AHCY: variants seen among roughly 807,000 people sequenced by gnomAD.
The protein encoded by AHCY is S-adenosyl-L-homocysteine hydrolase.
Under a neutral mutation model 45.4 loss-of-function variants are expected in AHCY, and 24 were observed. The observed-to-expected ratio is 0.53, with a 90% CI of 0.38 to 0.74. The LOEUF is 0.74. Ranked by LOEUF, AHCY falls within the 30% of genes least tolerant of loss-of-function variation. AHCY has a pLI of 0.00. For missense variants in AHCY, 449 were observed against 594.1 expected (o/e 0.76, Z 2.54); for synonymous variants, 245 against 235.1 (o/e 1.04, Z -0.39).
At chr20:34,311,614 T>TC (rs1162789312) in exon 1 of AHCY, 1 of 152,378 alleles carries the variant, frequency 6.6e-6, no homozygotes, top group Non-Finnish European at 1.5e-5. Flanking sequence ...CCCGCTCGCC[T>TC]CCCGGCGGTC....
At chr20:34,298,609 A>AGGGGGGGGGGGGGGGGGGGGG (rs35505406) in intron 1 of AHCY, among the ~76,000 whole-genome samples, 1 of 83,116 alleles carries the variant, frequency 1.2e-5, no homozygotes, top group Non-Finnish European at 2.6e-5. Flanking sequence ...CGGCGGCGGG[A>AGGGGGGGGGGGGGGGGGGGGG]GGGGGGGGGG....
chr20:34,284,936 C>T (rs993993020), intron 9 of AHCY, among the ~76,000 whole-genome samples: 1 of 152,204 alleles, frequency 6.6e-6, no homozygotes, highest in Non-Finnish European at 1.5e-5. Flanking sequence ...CCTGGTCAGA[C>T]GGACCTGGGT....
upstream of AHCY, among the ~76,000 whole-genome samples, chr20:34,306,921 C>G (rs1568820553): frequency 2.0e-5 from 3 of 152,172 alleles, no homozygotes; most frequent in Middle Eastern, 6.8e-3. Context: ...GGGACGGGAG[C>G]AAGAGAGAGG....
the AHCY span, among the ~76,000 whole-genome samples, chr20:34,265,078 A>G: frequency 4.6e-5 from 7 of 152,154 alleles, no homozygotes; most frequent in Admixed American, 1.3e-4. Context: ...TACCTGCATT[A>G]GCCACCATGC....
At chr20:34,237,583 A>C in the AHCY span, among the ~76,000 whole-genome samples, 1 of 152,246 alleles carries the variant, frequency 6.6e-6, no homozygotes, top group African/African-American at 2.4e-5. Context: ...ATTTAAGATC[A>C]TATTATCTGT....
chr20:34,290,345 T>C lies in AHCY; in HGVS notation c.959A>G (p.Asn320Ser). The change falls in exon 8 of 10, where the codon AAC (asparagine) becomes AGC (serine). Residue 320 changes from asparagine (N) to serine (S), a missense_variant. Transcript: ENST00000217426. The surrounding 1 kb of genome is among the most constrained non-coding windows in gnomAD (Gnocchi z 4.5). Reference sequence around the variant, plus strand: ...GGAGCTTCTCACCTGCGGCTTGATGTTCACCTTCTCCACGGCGTTCTCGTT... The same window carrying C: ...GGAGCTTCTCACCTGCGGCTTGATGCTCACCTTCTCCACGGCGTTCTCGTT... Reference protein sequence around the residue: ...WLNENAVEKVNIKPQVDRYRL... With the variant: ...WLNENAVEKVSIKPQVDRYRL... 6.2e-7 allele frequency: 1 copy of C among 1,614,128 alleles called. No individual in the cohort carries two copies.
chr20:34,246,532 C>A, the AHCY span: 1 of 1,068,332 alleles, frequency 9.4e-7, no homozygotes, highest in African/African-American at 1.5e-5. Context: ...ATTCAGAAAT[C>A]TCAGCTCACT....
intron 9 of AHCY, 71 bp from the exon 10 acceptor site, chr20:34,281,236 A>G (rs2035992930): frequency 1.9e-6 from 3 of 1,597,226 alleles, no homozygotes; most frequent in Non-Finnish European, 2.6e-6. Context: ...CTGGCTGCCA[A>G]TAGAGGCAGA....
chr20:34,261,776 T>C, the AHCY span, among the ~76,000 whole-genome samples: 1 of 152,112 alleles, frequency 6.6e-6, no homozygotes, highest in East Asian at 1.9e-4. Flanking sequence ...CACTCCAGCC[T>C]GGGTGACAGA....
In AHCY at chr20:34,285,822, G is replaced by A. The variant is rs181109574; in HGVS notation, c.973-188C>T. 9.7e-4 allele frequency among the ~76,000 whole-genome samples: 148 copies of A among 152,286 alleles called. 1 individual carries two copies. In the East Asian group the frequency reaches 0.021, roughly 21 times the overall value. The stretch of plus-strand genomic sequence containing the variant: ...TTTATTAAGAAATGTTGAGCTGGCC[G>A]GGGCACGGTGGCTCACGCCTGTAAT... On this transcript the variant is annotated intron_variant, in intron 8 of 9. Coordinates refer to ENST00000217426, the MANE Select transcript of AHCY (RefSeq NM_000687.4).
chr20:34,301,836 A>C, intron 1 of AHCY: 1 of 985,498 alleles, frequency 1.0e-6, no homozygotes, highest in Non-Finnish European at 1.2e-6. Context: ...CTTCAACAGA[A>C]TCTTTGCAAG....
the AHCY span, among the ~76,000 whole-genome samples, chr20:34,245,203 A>G: frequency 3.2e-3 from 478 of 150,950 alleles, 2 homozygotes; most frequent in Admixed American, 5.0e-3. Context: ...GCGTGGTGGC[A>G]GGCGCCTGTA....
chr20:34,278,501 TCCCAGCAGCCAC>T (rs1213243841), downstream of AHCY, among the ~76,000 whole-genome samples: 3 of 152,120 alleles, frequency 2.0e-5, no homozygotes, highest in Non-Finnish European at 4.4e-5. Flanking sequence ...GAAGTTATCG[TCCCAGCAGCCAC>T]CCCAGTAGAA....
At chr20:34,258,760 GATATATATAAT>G in the AHCY span, among the ~76,000 whole-genome samples, 1 of 70,316 alleles carries the variant, frequency 1.4e-5, no homozygotes, top group Non-Finnish European at 2.7e-5. Context: ...TATAATATAT[GATATATATAAT>G]ATATATAGTA....
chr20:34,291,334 TCAGC>T lies in AHCY; in HGVS notation c.558+81_558+84del, dbSNP rs1406188024. Reference sequence around the variant, plus strand: ...AAATGAGGGCTTCATGTCCCTAATCTCAGCCTTCCTGGGCACTCTTCTTCAGAGG... The same window carrying T: ...AAATGAGGGCTTCATGTCCCTAATCTCTTCCTGGGCACTCTTCTTCAGAGG... On this transcript the variant is annotated intron_variant, in intron 5 of 9. Coordinates refer to ENST00000217426, the MANE Select transcript of AHCY (RefSeq NM_000687.4). 4.7e-5 allele frequency: 61 copies of T among 1,288,352 alleles called. No homozygotes were observed. In the African/African-American group the frequency reaches 8.5e-4, roughly 18 times the overall value. 79.8% of individuals were successfully genotyped at this position (1,288,352 alleles called of 1,614,324 possible).
At chr20:34,301,926 C>T (rs1258418180) in intron 1 of AHCY, 28 of 985,158 alleles carry the variant, frequency 2.8e-5, no homozygotes, top group African/African-American at 3.5e-5. Context: ...TGTAAACACA[C>T]GTAAATCACC....
At chr20:34,249,307 G>A in the AHCY span, among the ~76,000 whole-genome samples, 3 of 140,874 alleles carry the variant, frequency 2.1e-5, no homozygotes, top group Admixed American at 1.4e-4. Context: ...CCCATCCCCC[G>A]CCCCCAATCC....
chr20:34,303,000 AC>A (rs2036834108), intron 1 of AHCY: 2 of 985,264 alleles, frequency 2.0e-6, no homozygotes, highest in Non-Finnish European at 2.4e-6. Context: ...CGGCTCGCAG[AC>A]CGCGCGGCGG....
At chr20:34,257,598 C>A in the AHCY span, among the ~76,000 whole-genome samples, 1 of 152,002 alleles carries the variant, frequency 6.6e-6, no homozygotes, top group East Asian at 1.9e-4. Context: ...TTTCATATTT[C>A]TATTCCAAAT....
Sources: allele counts gnomAD v4.1 joint callset (sites outside exome capture counted in the v4.1 genomes callset), GRCh38; gene constraint gnomAD v4.1.1; non-coding constraint Gnocchi (gnomAD v3.1); transcripts MANE v1.5; gene names NCBI Gene and HGNC (gene_info 2026-07-23, HGNC 2026-07-21).